Variants in ESRRG observed in about 807,000 individuals in gnomAD.
ESRRG encodes estrogen-related receptor gamma.
ESRRG carries 13 observed loss-of-function variants against 44.0 expected under a neutral mutation model. That is an observed-to-expected ratio of 0.30 (90% CI 0.19 to 0.47). ESRRG has a LOEUF of 0.47. Among genes scored for constraint, ESRRG ranks in the 20% least tolerant of loss-of-function variants. The pLI is 1.00. For missense variants in ESRRG, 395 were observed against 580.6 expected (o/e 0.68, Z 3.29); for synonymous variants, 215 against 214.6 (o/e 1.00, Z -0.02).
chr1:216,778,652 GACAC>G (rs1232890706), intron 2 of ESRRG, among the ~76,000 whole-genome samples: 9 of 151,836 alleles, frequency 5.9e-5, no homozygotes, highest in Non-Finnish European at 1.3e-4. Context: ...ACAGACTATA[GACAC>G]GCAGGAGGAG....
rs116498130 is a variant in ESRRG, at chr1:216,554,142, A to T, written c.862+10077T>A. On this transcript the variant is annotated intron_variant, in intron 5 of 6. Transcript: ENST00000408911. ...TGTAAGAGTCTAGTGCTGTGGACACACTTGGTACGGTGTTAAGATACATCA... is the reference window on the plus strand; with the variant it reads ...TGTAAGAGTCTAGTGCTGTGGACACTCTTGGTACGGTGTTAAGATACATCA... 4.6e-3 allele frequency among the ~76,000 whole-genome samples: 704 copies of T among 152,148 alleles called. 9 individuals carry two copies. The highest frequency in any genetic ancestry group is 0.016 in the African/African-American group (677 of 41,522).
chr1:216,723,591 C>A, upstream of ESRRG: 1 of 422,762 alleles, frequency 2.4e-6, no homozygotes, highest in South Asian at 3.4e-5. Flanking sequence ...CGAGAGGAGC[C>A]AGGCAGGTAG....
chr1:216,520,861 G>A (rs574142768), intron 5 of ESRRG, among the ~76,000 whole-genome samples: 1 of 152,092 alleles, frequency 6.6e-6, no homozygotes, highest in Non-Finnish European at 1.5e-5. Flanking sequence ...GCTGCTTATG[G>A]TCACTGTTGC....
intron 1 of ESRRG, among the ~76,000 whole-genome samples, chr1:217,083,302 G>C (rs547807377): frequency 6.6e-6 from 1 of 152,124 alleles, no homozygotes; most frequent in African/African-American, 2.4e-5. Context: ...GCTTTCATTC[G>C]AAACCACAGA....
chr1:216,910,149 T>A (rs2060143735), intron 2 of ESRRG, among the ~76,000 whole-genome samples: 1 of 151,928 alleles, frequency 6.6e-6, no homozygotes, highest in Non-Finnish European at 1.5e-5. Context: ...AGTAATAAAA[T>A]ACTAAAAACC....
At chr1:216,545,685 A>T (rs1023962558) in intron 5 of ESRRG, among the ~76,000 whole-genome samples, 1 of 152,060 alleles carries the variant, frequency 6.6e-6, no homozygotes, top group African/African-American at 2.4e-5. Flanking sequence ...TGTTTACTCG[A>T]TGTGCTACAA....
chr1:216,712,429 G>T (rs556012357), intron 1 of ESRRG, among the ~76,000 whole-genome samples: 119 of 152,296 alleles, frequency 7.8e-4, no homozygotes, highest in African/African-American at 2.7e-3. Flanking sequence ...AGGACAAAAA[G>T]ATTTCAGTGT....
At chr1:217,034,418 T>C (rs1046730368) in intron 1 of ESRRG, among the ~76,000 whole-genome samples, 13 of 152,292 alleles carry the variant, frequency 8.5e-5, no homozygotes, top group African/African-American at 2.4e-4. Flanking sequence ...TTGAAAATTT[T>C]TGGTCCCCGA....
At chr1:216,632,265 C>A (rs1487214695) in intron 3 of ESRRG, among the ~76,000 whole-genome samples, 1 of 152,136 alleles carries the variant, frequency 6.6e-6, no homozygotes, top group Non-Finnish European at 1.5e-5. Context: ...ATTTTCAAAG[C>A]AATATTTTCT....
chr1:216,798,572 G>A (rs2094534313), intron 2 of ESRRG, among the ~76,000 whole-genome samples: 1 of 152,096 alleles, frequency 6.6e-6, no homozygotes, highest in African/African-American at 2.4e-5. Flanking sequence ...TGACCAGACT[G>A]GAATTTTAAA....
rs1168589919 is a variant in ESRRG at position 217,074,728 on chromosome 1, G to C, written c.-106+14779C>G. The stretch of plus-strand genomic sequence containing the variant: ...TTTAAGGCAGCAATAAGCTATGATT[G>C]TGCCACTGCACTCCAGCCCGAGCAA... On this transcript the variant is annotated intron_variant, in intron 1 of 7. Coordinates refer to the ESRRG transcript ENST00000359162. Among the ~76,000 whole-genome samples the C allele has an allele frequency of 3.9e-5, 6 of 152,208 alleles. No individual in the cohort carries two copies. In the East Asian group the frequency reaches 1.2e-3, roughly 30 times the overall value.
chr1:216,600,079 T>C (rs972352840), intron 3 of ESRRG, among the ~76,000 whole-genome samples: 2 of 152,206 alleles, frequency 1.3e-5, no homozygotes, highest in Non-Finnish European at 2.9e-5. Flanking sequence ...TGATGTCTTC[T>C]CTAGGAGCCG....
intron 1 of ESRRG, among the ~76,000 whole-genome samples, chr1:216,718,757 G>A (rs987675941): frequency 4.6e-5 from 7 of 152,060 alleles, no homozygotes; most frequent in Admixed American, 1.3e-4. Flanking sequence ...GAGCTCATAC[G>A]CACTTATAAT....
chr1:216,947,224 C>T (rs2066198654), intron 1 of ESRRG, among the ~76,000 whole-genome samples: 1 of 152,118 alleles, frequency 6.6e-6, no homozygotes, highest in African/African-American at 2.4e-5. Context: ...TCTCGGTACA[C>T]TCTTTGGAAA....
chr1:217,100,668 G>T (rs1477357042), intron 1 of ESRRG, among the ~76,000 whole-genome samples: 1 of 152,200 alleles, frequency 6.6e-6, no homozygotes, highest in Non-Finnish European at 1.5e-5. Context: ...GAGGCCTCAG[G>T]AAGCTTACAA....
At chr1:216,598,597 A>C (rs1482491013) in intron 3 of ESRRG, among the ~76,000 whole-genome samples, 3 of 152,176 alleles carry the variant, frequency 2.0e-5, no homozygotes, top group African/African-American at 7.2e-5. Context: ...GCCAAATCTC[A>C]GCTTTCTTTG....
chr1:216,641,109 T>C (rs2066329842), intron 3 of ESRRG, among the ~76,000 whole-genome samples: 1 of 152,200 alleles, frequency 6.6e-6, no homozygotes, highest in Non-Finnish European at 1.5e-5. Flanking sequence ...TAACTTTTAA[T>C]AGTATCCCTA....
intron 3 of ESRRG, among the ~76,000 whole-genome samples, chr1:216,629,438 G>A (rs1333091396): frequency 6.6e-6 from 1 of 152,078 alleles, no homozygotes; most frequent in Non-Finnish European, 1.5e-5. Flanking sequence ...TTAAGACATA[G>A]TTAGCAAGTC....
At chr1:217,131,039 C>T (rs887319443) in intron 1 of ESRRG, among the ~76,000 whole-genome samples, 10 of 152,146 alleles carry the variant, frequency 6.6e-5, no homozygotes, top group Non-Finnish European at 8.8e-5. Context: ...TGAAAACAAT[C>T]TCATTTAAAC....
Sources: allele counts gnomAD v4.1 joint callset (sites outside exome capture counted in the v4.1 genomes callset), GRCh38; gene constraint gnomAD v4.1.1; transcripts MANE v1.5; gene names NCBI Gene and HGNC (gene_info 2026-07-23, HGNC 2026-07-21).